The following MTMR1 variants were observed in gnomAD, a reference collection of about 807,000 sequenced individuals.
MTMR1 encodes the protein phosphatidylinositol-3-phosphate phosphatase MTMR1.
In MTMR1, 17 loss-of-function variants were observed where a neutral mutation model predicts 51.6. The ratio of observed to expected loss-of-function variants is 0.33; its 90% confidence interval spans 0.23 to 0.49. The LOEUF (loss-of-function observed/expected upper bound fraction) is 0.49, where lower values mean the gene tolerates loss of function less well. Among genes scored for constraint, MTMR1 ranks in the 20% least tolerant of loss-of-function variants. MTMR1 has a pLI of 0.99. For missense variants in MTMR1, 386 were observed against 526.9 expected (o/e 0.73, Z 2.62); for synonymous variants, 201 against 205.6 (o/e 0.98, Z 0.19).
In MTMR1 at chrX:150,730,532, T is replaced by G. The variant is rs1557416954; in HGVS notation, c.665T>G (p.Phe222Cys). ...AFPLSNGQAL[F>C]AFSYKEKFPI... ...TGTGGTTTTTGTGTCCAGGCACTAT[T>G]TGCATTCAGCTATAAAGAAAAATTT... Residue 222 changes from phenylalanine (F) to cysteine (C), a missense_variant, in exon 8 of 16, where the codon TTT becomes TGT. Transcript: ENST00000445323. The G allele has an allele frequency of 8.5e-7, 1 of 1,169,633 alleles. No individual in the cohort carries two copies.
intron 2 of MTMR1, among the ~76,000 whole-genome samples, chrX:150,706,242 A>G (rs2041097138): frequency 9.0e-6 from 1 of 111,227 alleles, no homozygotes; most frequent in Non-Finnish European, 1.9e-5. Context: ...TTACGTTCCA[A>G]AGGCCTTACC....
At chrX:150,752,342 C>T (rs1557417627) in intron 14 of MTMR1, among the ~76,000 whole-genome samples, 1 of 111,240 alleles carries the variant, frequency 9.0e-6, no homozygotes, top group Non-Finnish European at 1.9e-5. Flanking sequence ...CTCTTTCTGA[C>T]CTTCAGTAGT....
intron 2 of MTMR1, among the ~76,000 whole-genome samples, chrX:150,708,457 A>G (rs2041192989): frequency 9.0e-6 from 1 of 111,518 alleles, no homozygotes; most frequent in South Asian, 3.8e-4. Flanking sequence ...GATTTATGTA[A>G]CAACTGAAAT....
intron 2 of MTMR1, among the ~76,000 whole-genome samples, chrX:150,709,684 A>T (rs1413827980): frequency 1.8e-5 from 2 of 111,800 alleles, no homozygotes; most frequent in Non-Finnish European, 3.8e-5. Flanking sequence ...AGCAAAGGAG[A>T]TGCTGACGTC....
chrX:150,754,025 A>G (rs2042831519), intron 14 of MTMR1, among the ~76,000 whole-genome samples: 1 of 112,855 alleles, frequency 8.9e-6, no homozygotes, highest in African/African-American at 3.2e-5. Context: ...ATCCAACTTC[A>G]TTCTTTTGTG....
chrX:150,723,453 T>C, intron 4 of MTMR1, among the ~76,000 whole-genome samples: 1 of 109,912 alleles, frequency 9.1e-6, no homozygotes, highest in East Asian at 2.9e-4. Flanking sequence ...ATGGTTGAAC[T>C]AGTTTACAGT....
chrX:150,736,500 T>G, intron 10 of MTMR1, 95 bp from the exon 11 acceptor site: 1 of 841,856 alleles, frequency 1.2e-6, no homozygotes. Flanking sequence ...TGCAGATGAG[T>G]TTGTTGCTTC....
chrX:150,711,887 C>G (rs2041323868), intron 2 of MTMR1, among the ~76,000 whole-genome samples: 1 of 111,420 alleles, frequency 9.0e-6, no homozygotes, highest in Non-Finnish European at 1.9e-5. Flanking sequence ...TGCTCTGGGT[C>G]CAAGGTGGGG....
At chrX:150,717,414 G>T (rs972355682) in intron 3 of MTMR1, among the ~76,000 whole-genome samples, 1 of 103,679 alleles carries the variant, frequency 9.6e-6, no homozygotes, top group Admixed American at 1.0e-4. Context: ...AACTTGTTTT[G>T]CTTAACCCAG....
intron 6 of MTMR1, among the ~76,000 whole-genome samples, chrX:150,728,961 G>A (rs1416525443): frequency 9.1e-6 from 1 of 109,347 alleles, no homozygotes; most frequent in African/African-American, 3.3e-5. Context: ...TCCTTCTCAG[G>A]CAGGGTTCCC....
chrX:150,718,629 T>C lies in MTMR1; in HGVS notation c.281T>C (p.Leu94Pro). The C allele has an allele frequency of 2.1e-6, 1 of 481,632 alleles. No individual in the cohort carries two copies. Among genetic ancestry groups the C allele is most frequent in the Non-Finnish European group, 3.3e-6 (1 of 305,475 alleles). The allele number at this position is 481,632 out of a possible 1,213,427, so 39.7% of individuals were successfully genotyped here. The change falls in exon 4 of 16, where the codon CTA becomes CCA. Residue 94 changes from leucine to proline, a missense_variant. Coordinates refer to ENST00000445323, the MANE Select transcript of MTMR1 (RefSeq NM_001306144.3). ...TTTTTTTTTTTTTTTTGCCAGGCTC[T>C]AAGGGATGGAAATAAGCTGGCACAG... The part of the protein sequence containing the change: ...KVFRRPDLRA[L>P]RDGNKLAQME...
intron 13 of MTMR1, among the ~76,000 whole-genome samples, chrX:150,745,607 G>C (rs2042555828): frequency 9.0e-6 from 1 of 111,489 alleles, no homozygotes; most frequent in African/African-American, 3.3e-5. Context: ...TCATGATGCT[G>C]CCTGTGCTGT....
chrX:150,702,573 T>C (rs2040955169), intron 2 of MTMR1, among the ~76,000 whole-genome samples: 1 of 112,074 alleles, frequency 8.9e-6, no homozygotes, highest in African/African-American at 3.2e-5. Context: ...AGTAAGAATA[T>C]CGCTGGTATC....
intron 10 of MTMR1, among the ~76,000 whole-genome samples, chrX:150,733,482 C>A (rs2042177225): frequency 9.0e-6 from 1 of 110,555 alleles, no homozygotes; most frequent in Non-Finnish European, 1.9e-5. Context: ...GATTTCTATC[C>A]CATTGTATGG....
At chrX:150,754,201 G>A (rs1557417679) in intron 14 of MTMR1, among the ~76,000 whole-genome samples, 1 of 113,194 alleles carries the variant, frequency 8.8e-6, no homozygotes, top group African/African-American at 3.2e-5. Flanking sequence ...CCTTACGCCA[G>A]CACTGCTGGC....
chrX:150,698,267 C>T (rs1391250623), intron 1 of MTMR1, among the ~76,000 whole-genome samples: 1 of 109,475 alleles, frequency 9.1e-6, no homozygotes, highest in Non-Finnish European at 1.9e-5. Flanking sequence ...GCACTCCAGC[C>T]TGGGTGACAG....
chrX:150,716,539 A>G (rs1404336413), intron 3 of MTMR1, among the ~76,000 whole-genome samples: 1 of 112,891 alleles, frequency 8.9e-6, no homozygotes, highest in African/African-American at 3.2e-5. Context: ...AGTCTGGGCT[A>G]AAAATTTGAA....
chrX:150,718,597 T>A, intron 3 of MTMR1, 28 bp from the exon 4 acceptor site: 4 of 599,320 alleles, frequency 6.7e-6, no homozygotes, highest in Non-Finnish European at 6.3e-6. Flanking sequence ...TTTTTTTTTT[T>A]TTTTTTTTTT....
Position 150,762,429 on chromosome X carries a change from G to C in MTMR1, c.1858-136G>C, listed in dbSNP as rs782380926. The C allele has an allele frequency of 8.6e-6, 7 of 814,921 alleles. No homozygotes were observed. The Admixed American group carries it at 1.4e-4, about 16-fold the overall frequency. The allele number at this position is 814,921 out of a possible 1,213,427, so 67.2% of individuals were successfully genotyped here. A position where few individuals can be genotyped will look rare whatever the true frequency, so the allele number is the denominator to read the frequency against. Reference sequence around the variant, plus strand: ...CCATTGTCCACCTGACGCGAGATCGGTCAACGCCTCAGGAGACTTTGGCCG... The same window carrying C: ...CCATTGTCCACCTGACGCGAGATCGCTCAACGCCTCAGGAGACTTTGGCCG... On this transcript the variant is annotated intron_variant, in intron 15 of 15. Transcript: ENST00000445323.
Sources: allele counts gnomAD v4.1 joint callset (sites outside exome capture counted in the v4.1 genomes callset), GRCh38; gene constraint gnomAD v4.1.1; transcripts MANE v1.5; gene names NCBI Gene and HGNC (gene_info 2026-07-23, HGNC 2026-07-21).